The following ITGB5 variants were observed in gnomAD, a reference collection of about 807,000 sequenced individuals.
ITGB5 encodes the protein integrin subunit beta 5, also known as integrin beta-5.
In ITGB5, 38 loss-of-function variants were observed where a neutral mutation model predicts 84.8. The ratio of observed to expected loss-of-function variants is 0.45; its 90% CI spans 0.35 to 0.59. The LOEUF (loss-of-function observed/expected upper bound fraction) is 0.59. Ranked by LOEUF, ITGB5 falls within the 20% of genes least tolerant of loss-of-function variation. The pLI is 0.01. For synonymous variants in ITGB5, 393 were observed against 414.4 expected, an observed-to-expected ratio of 0.95 and a Z score of 0.63; for missense variants, 905 against 1,034.5, an observed-to-expected ratio of 0.87 and a Z score of 1.72.
chr3:124,898,634 A>G (rs1295000013), intron 1 of ITGB5, among the ~76,000 whole-genome samples: 20 of 107,272 alleles, frequency 1.9e-4, no homozygotes, highest in Non-Finnish European at 1.7e-5. Flanking sequence ...ACACAGCGAG[A>G]CTCCGTCTCA....
chr3:124,844,427 G>C (rs11712229), intron 4 of ITGB5, among the ~76,000 whole-genome samples: 41,174 of 151,978 alleles, frequency 0.27, 6,159 homozygotes, highest in Middle Eastern at 0.41. Flanking sequence ...GGGCATGGTG[G>C]TGGGCACCTG....
intron 8 of ITGB5, chr3:124,809,370 C>T: frequency 1.8e-6 from 1 of 544,770 alleles, no homozygotes; most frequent in Non-Finnish European, 3.3e-6. Context: ...TGAGGTCTCC[C>T]TCTGTGAGTT....
In ITGB5 at chr3:124,848,551, C is replaced by A; in HGVS notation, c.369G>T (p.Lys123Asn). The A allele has an allele frequency of 6.2e-7, 1 of 1,611,172 alleles. No homozygotes were observed. Among genetic ancestry groups the A allele is most frequent in the East Asian group, 2.2e-5 (1 of 44,868 alleles). Residue 123 changes from lysine to asparagine, a missense_variant, in exon 4 of 15, where the codon AAG becomes AAT. Physicochemically the swap from Lys to Asn is moderately conservative, Grantham distance 94. Around this residue, in one of 3 missense-constraint regions of ITGB5, gnomAD observed 656 missense variants for 734.7 expected, o/e 0.89. Transcript: ENST00000296181. ...GGCGAACCTGTAGCTGGAAGGTGGT[C>A]TTGTCACCTGCACCAACAGAGAGGC... is the stretch of plus-strand genomic sequence containing the variant. ...EIAVNLRPGD[K>N]TTFQLQVRQV...
Position 124,763,405 on chromosome 3 carries a change from C to T in ITGB5, c.*218G>A, listed in dbSNP as rs1055761499. ...AGGTCCCCTTGCTTTATCCCAAGCT[C>T]GGAGGGACGCAGCCTGGCATGGCTC... On this transcript the variant is annotated 3_prime_UTR_variant, in exon 15 of 15. Coordinates refer to ENST00000296181, the MANE Select transcript of ITGB5 (RefSeq NM_002213.5). The T allele has an allele frequency of 3.1e-5, 12 of 392,458 alleles. No individual in the cohort carries two copies. Among genetic ancestry groups the T allele is most frequent in the Middle Eastern group, 1.4e-3 (2 of 1,388 alleles). 24.3% of individuals were successfully genotyped at this position (392,458 alleles called of 1,614,324 possible).
chr3:124,786,548 A>G (rs11716443), intron 10 of ITGB5, among the ~76,000 whole-genome samples: 7,341 of 152,206 alleles, frequency 0.048, 254 homozygotes, highest in South Asian at 0.089. Flanking sequence ...AGACTTTGGG[A>G]GTGGTGGCTA....
At chr3:124,845,687 C>T (rs1186147506) in intron 4 of ITGB5, among the ~76,000 whole-genome samples, 1 of 152,044 alleles carries the variant, frequency 6.6e-6, no homozygotes, top group Non-Finnish European at 1.5e-5. Context: ...AGAGCCAGCC[C>T]TTGATTCTCT....
chr3:124,808,409 CGTGTCT>C (rs1432904634), intron 9 of ITGB5, among the ~76,000 whole-genome samples: 9 of 152,196 alleles, frequency 5.9e-5, no homozygotes, highest in Non-Finnish European at 1.0e-4. Flanking sequence ...CCTCTGTGCC[CGTGTCT>C]GTGTCTGTGT....
rs182514547 is a variant in ITGB5, at chr3:124,899,848, T to C, written c.-255+1418A>G. Among the ~76,000 whole-genome samples the C allele has an allele frequency of 3.3e-3, 259 of 77,448 alleles. 1 individual carries two copies. The highest frequency in any genetic ancestry group is 0.012 in the Admixed American group (54 of 4,420). The allele number at this position is 77,448 out of a possible 152,430, so 50.8% of individuals were successfully genotyped here. A position where few individuals can be genotyped will look rare whatever the true frequency, so the allele number is the denominator to read the frequency against. Reference sequence around the variant, plus strand: ...CAGCCTCGCCAGCATAGCAAGACCCTGTCTCAAAAAAAAAAAAAAAAAAAA... The same window carrying C: ...CAGCCTCGCCAGCATAGCAAGACCCCGTCTCAAAAAAAAAAAAAAAAAAAA... On this transcript the variant is annotated intron_variant, in intron 1 of 4. Coordinates refer to the ITGB5 transcript ENST00000608657.
At chr3:124,859,940 G>A (rs2065273668) in intron 2 of ITGB5, among the ~76,000 whole-genome samples, 2 of 152,092 alleles carry the variant, frequency 1.3e-5, no homozygotes, top group South Asian at 4.1e-4. Context: ...ATAAGTAGAT[G>A]AAATAATATA....
intron 3 of ITGB5, among the ~76,000 whole-genome samples, chr3:124,856,923 T>C (rs2065229363): frequency 6.6e-6 from 1 of 152,124 alleles, no homozygotes; most frequent in South Asian, 2.1e-4. Flanking sequence ...CCCTTCCTTT[T>C]CTCTCTCAAT....
At chr3:124,769,408 G>A in intron 11 of ITGB5, 1 of 317,116 alleles carries the variant, frequency 3.2e-6, no homozygotes, top group Non-Finnish European at 5.8e-6. Context: ...TCCATCTAAT[G>A]CCTGGTGAGG....
Position 124,859,321 on chromosome 3 carries a change from G to A in ITGB5, c.282C>T (p.Leu94=), listed in dbSNP as rs2065263405. 5 of 1,614,162 alleles carry A rather than the reference G, an allele frequency of 3.1e-6. No homozygotes were observed. Among genetic ancestry groups the A allele is most frequent in the Non-Finnish European group, 4.2e-6 (5 of 1,180,036 alleles). Residue 94 remains leucine (L), a synonymous_variant, in exon 3 of 15, where the codon CTC becomes CTT. Coordinates refer to ENST00000296181, the MANE Select transcript of ITGB5 (RefSeq NM_002213.5). ...CTGCAGAGCCCGAACCCTTGCTGCT[G>A]AGGGGCAGGCTCCTCAGGACATGGA... ...SSFHVLRSLP[L]SSKGSGSAGW...
chr3:124,787,907 C>T (rs1187605620), intron 10 of ITGB5: 3 of 122,570 alleles, frequency 2.4e-5, no homozygotes, highest in African/African-American at 1.1e-4. Flanking sequence ...AAACAGATAG[C>T]TCTTTTTTTT....
At chr3:124,844,221 A>G (rs1032010279) in intron 4 of ITGB5, among the ~76,000 whole-genome samples, 38 of 150,730 alleles carry the variant, frequency 2.5e-4, no homozygotes, top group East Asian at 2.3e-3. Context: ...AAAAAAAAAA[A>G]AAAAAAAAAA....
chr3:124,841,321 A>G, intron 5 of ITGB5, 62 bp downstream of exon 5: 1 of 1,518,700 alleles, frequency 6.6e-7, no homozygotes, highest in South Asian at 1.2e-5. Flanking sequence ...AAGTACCAAC[A>G]CCCACTGACG....
intron 5 of ITGB5, 136 bp downstream of exon 5, chr3:124,841,247 G>A: frequency 1.3e-6 from 1 of 757,260 alleles, no homozygotes. Context: ...GTTCCACTGA[G>A]CTCACCCTCT....
chr3:124,784,322 C>G (rs1445686580), intron 10 of ITGB5, among the ~76,000 whole-genome samples: 1 of 151,996 alleles, frequency 6.6e-6, no homozygotes, highest in African/African-American at 2.4e-5. Context: ...CTGGGCAAAA[C>G]AGTGAGACCC....
At chr3:124,868,855 G>T (rs565162016) in intron 2 of ITGB5, among the ~76,000 whole-genome samples, 4 of 152,110 alleles carry the variant, frequency 2.6e-5, no homozygotes, top group African/African-American at 9.6e-5. Context: ...ACAAAAGCAA[G>T]AGAGCCAGGG....
At chr3:124,799,299 C>T (rs1270797943) in intron 9 of ITGB5, among the ~76,000 whole-genome samples, 1 of 152,180 alleles carries the variant, frequency 6.6e-6, no homozygotes, top group Admixed American at 6.5e-5. Flanking sequence ...CCTGTAATTC[C>T]AGCCCTTTGG....
Sources: allele counts gnomAD v4.1 joint callset (sites outside exome capture counted in the v4.1 genomes callset), GRCh38; gene constraint gnomAD v4.1.1; regional missense constraint gnomAD v4.1.1; transcripts MANE v1.5; gene names NCBI Gene and HGNC (gene_info 2026-07-23, HGNC 2026-07-21).